Variants in SLC30A9 observed in about 807,000 individuals in gnomAD.
SLC30A9 encodes the protein proton-coupled zinc antiporter SLC30A9, mitochondrial.
A neutral mutation model predicts 87.5 loss-of-function variants in SLC30A9; 58 were observed. The ratio of observed to expected loss-of-function variants is 0.66; its 90% CI spans 0.54 to 0.82. The LOEUF is 0.82. Ranked by LOEUF, SLC30A9 falls within the 40% of genes least tolerant of loss-of-function variation. SLC30A9 has a pLI of 0.00. For synonymous variants in SLC30A9, 234 were observed against 233.0 expected, an observed-to-expected ratio of 1.00 and a Z score of -0.04; for missense variants, 557 against 679.1, an observed-to-expected ratio of 0.82 and a Z score of 2.00.
At chr4:42,011,435 C>A (rs1402185350) in intron 2 of SLC30A9, among the ~76,000 whole-genome samples, 1 of 152,120 alleles carries the variant, frequency 6.6e-6, no homozygotes, top group Non-Finnish European at 1.5e-5. Flanking sequence ...CAACCAGGAA[C>A]TGAAACTTGC....
intron 6 of SLC30A9, among the ~76,000 whole-genome samples, chr4:42,034,197 A>T (rs1371028769): frequency 6.6e-6 from 1 of 150,884 alleles, no homozygotes; most frequent in Non-Finnish European, 1.5e-5. Context: ...TAAAGGTAAT[A>T]TTGAGAAAAG....
intron 1 of SLC30A9, among the ~76,000 whole-genome samples, chr4:42,001,350 A>G (rs1337296403): frequency 6.6e-6 from 1 of 152,052 alleles, no homozygotes; most frequent in Non-Finnish European, 1.5e-5. Context: ...CCAACATGCA[A>G]AATAAAGAGT....
rs774108439 is a variant in SLC30A9 at position 42,063,053 on chromosome 4, G to A, written c.964G>A (p.Ala322Thr). ...TGGTGTTGGTATTTTCATGATGGGTGCAGGACTATCTTGGTACCATGGAGT... is the reference window on the plus strand; with the variant it reads ...TGGTGTTGGTATTTTCATGATGGGTACAGGACTATCTTGGTACCATGGAGT... ...ISGVGIFMMG[A>T]GLSWYHGVMG... Residue 322 changes from alanine to threonine, a missense_variant, in exon 11 of 18, where the codon GCA (alanine) becomes ACA (threonine). Physicochemically the swap from Ala to Thr is moderately conservative, Grantham distance 58 (BLOSUM62 0). Around this residue, in one of 2 missense-constraint regions of SLC30A9, gnomAD observed 467 missense variants for 529.8 expected, o/e 0.88. Transcript: ENST00000264451. The A allele has an allele frequency of 6.2e-7, 1 of 1,613,050 alleles. No homozygotes were observed. Among genetic ancestry groups the A allele is most frequent in the Non-Finnish European group, 8.5e-7 (1 of 1,179,092 alleles).
At chr4:42,014,870 G>A (rs1715645140) in intron 2 of SLC30A9, among the ~76,000 whole-genome samples, 1 of 151,892 alleles carries the variant, frequency 6.6e-6, no homozygotes, top group Non-Finnish European at 1.5e-5. Context: ...AATTCATGGA[G>A]AGAGAGAGAG....
chr4:42,017,881 C>A (rs962739083), intron 2 of SLC30A9, among the ~76,000 whole-genome samples: 16 of 152,162 alleles, frequency 1.1e-4, no homozygotes, highest in African/African-American at 3.9e-4. Context: ...GTATTAAATG[C>A]TTTTTCTTTA....
intron 9 of SLC30A9, 82 bp downstream of exon 9, chr4:42,049,561 C>CCTG: frequency 1.4e-6 from 1 of 697,014 alleles, no homozygotes; most frequent in Admixed American, 3.0e-5. Context: ...TATTTTAAAA[C>CCTG]TGAATGATTC....
intron 5 of SLC30A9, 71 bp downstream of exon 5, chr4:42,023,001 G>T: frequency 1.2e-6 from 1 of 863,438 alleles, no homozygotes; most frequent in African/African-American, 1.7e-5. Context: ...ATTTTAGACA[G>T]AGTCAGAATT....
At chr4:42,066,281 T>C (rs919337769) in intron 12 of SLC30A9, among the ~76,000 whole-genome samples, 1 of 152,212 alleles carries the variant, frequency 6.6e-6, no homozygotes, top group African/African-American at 2.4e-5. Context: ...CAGAAATGAA[T>C]GTGGTTAGTG....
Position 42,035,337 on chromosome 4 carries a change from T to C in SLC30A9, c.669+4T>C. ...AGATTTCTTGGGAAATACCAAGGTA[T>C]GGATATCTTTGTAATAATGTGTGTG... On this transcript the variant is annotated splice_donor_region_variant and intron_variant, in intron 7 of 17. Transcript: ENST00000264451. 6.2e-7 allele frequency: 1 copy of C among 1,602,488 alleles called. No homozygotes were observed. The highest frequency in any genetic ancestry group is 8.5e-7 in the Non-Finnish European group (1 of 1,172,228).
At chr4:42,026,388 A>G (rs1304588100) in intron 6 of SLC30A9, among the ~76,000 whole-genome samples, 1 of 152,202 alleles carries the variant, frequency 6.6e-6, no homozygotes, top group East Asian at 1.9e-4. Flanking sequence ...GCACTTATAT[A>G]TGGTAATGTA....
intron 8 of SLC30A9, among the ~76,000 whole-genome samples, 156 bp from the exon 9 acceptor site, chr4:42,049,221 C>T (rs1208339418): frequency 6.6e-6 from 1 of 152,178 alleles, no homozygotes; most frequent in Non-Finnish European, 1.5e-5. Flanking sequence ...CCACCTCAGC[C>T]TCCCAAAATG....
chr4:42,060,612 C>G (rs1717805424), intron 10 of SLC30A9, among the ~76,000 whole-genome samples: 1 of 152,084 alleles, frequency 6.6e-6, no homozygotes, highest in African/African-American at 2.4e-5. Flanking sequence ...ATGATAACTT[C>G]TATTAGATAC....
intron 9 of SLC30A9, 137 bp downstream of exon 9, chr4:42,049,616 A>C: frequency 2.1e-6 from 1 of 470,532 alleles, no homozygotes; most frequent in Non-Finnish European, 3.8e-6. Flanking sequence ...CTTTTCAGCA[A>C]TGAAGTGCAT....
At chr4:42,011,924 G>A (rs767993562) in intron 2 of SLC30A9, among the ~76,000 whole-genome samples, 1 of 152,160 alleles carries the variant, frequency 6.6e-6, no homozygotes, top group Non-Finnish European at 1.5e-5. Context: ...AGGAGAGTTA[G>A]TAAATTCAAA....
Position 42,018,446 on chromosome 4 carries a change from A to G in SLC30A9, c.334+276A>G, listed in dbSNP as rs549975180. The G allele has an allele frequency of 3.2e-6, 4 of 1,264,664 alleles. No individual in the cohort carries two copies. In the South Asian group the frequency reaches 5.5e-5, roughly 17 times the overall value. The allele number at this position is 1,264,664 out of a possible 1,614,324, so 78.3% of individuals were successfully genotyped here. A position where few individuals can be genotyped will look rare whatever the true frequency, so the allele number is the denominator to read the frequency against. On this transcript the variant is annotated intron_variant, in intron 3 of 17. Transcript: ENST00000264451. ...TCAATTGCATTATCATTTTTAGAAG[A>G]GTAAGGCAATTAAAGAACAAGAGGC... is the stretch of plus-strand genomic sequence containing the variant.
rs1194677872 is a variant in SLC30A9 at position 42,001,630 on chromosome 4, G to C, written c.124G>C (p.Val42Leu). 1.9e-6 allele frequency: 3 copies of C among 1,585,320 alleles called. No homozygotes were observed. Among genetic ancestry groups the C allele is most frequent in the Non-Finnish European group, 1.7e-6 (2 of 1,163,724 alleles). ...TTTTCTTTTAGAGTGGCAGAATTTA[G>C]TGACATTTGGAAGCTTTTCAAACAT... ...PSDRQEWQNLVTFGSFSNMVP... is the reference protein window; with the variant it reads ...PSDRQEWQNLLTFGSFSNMVP... The change falls in exon 2 of 18, where the codon GTG becomes CTG. Residue 42 changes from valine (V) to leucine (L), a missense_variant. Val to Leu is a conservative substitution (Grantham distance 32). This residue lies in a region of SLC30A9 where 467 missense variants were observed against 529.8 expected (regional missense o/e 0.88). Transcript: ENST00000264451.
At chr4:41,997,178 C>T (rs920489357) in intron 1 of SLC30A9, among the ~76,000 whole-genome samples, 1 of 150,858 alleles carries the variant, frequency 6.6e-6, no homozygotes, top group African/African-American at 2.4e-5. Context: ...AAAAGATTCT[C>T]TGTTTTTTAC....
intron 2 of SLC30A9, 69 bp from the exon 3 acceptor site, chr4:42,018,042 A>G (rs1560539607): frequency 2.4e-6 from 2 of 842,294 alleles, no homozygotes. Flanking sequence ...ACATTGGCTA[A>G]TATTAATTAA....
At chr4:42,043,519 G>GA (rs906839018) in intron 8 of SLC30A9, among the ~76,000 whole-genome samples, 3 of 151,920 alleles carry the variant, frequency 2.0e-5, no homozygotes, top group Admixed American at 6.6e-5. Context: ...TAAGATTAGA[G>GA]AAAAAAATGA....
Sources: allele counts gnomAD v4.1 joint callset (sites outside exome capture counted in the v4.1 genomes callset), GRCh38; gene constraint gnomAD v4.1.1; regional missense constraint gnomAD v4.1.1; transcripts MANE v1.5; gene names NCBI Gene and HGNC (gene_info 2026-07-23, HGNC 2026-07-21).